The following ROBO2 variants were observed in gnomAD, a reference collection of about 807,000 sequenced individuals.
ROBO2 encodes roundabout guidance receptor 2.
In ROBO2, 53 loss-of-function variants were observed where a neutral mutation model predicts 160.8. The observed-to-expected ratio is 0.33, with a 90% CI of 0.26 to 0.41. The LOEUF is 0.41. ROBO2 is among the 10% of genes least tolerant of loss of function. The pLI, the probability that ROBO2 is intolerant of heterozygous loss-of-function variation, is 1.00. For missense variants in ROBO2, 1,577 were observed against 1,722.4 expected, an observed-to-expected ratio of 0.92 and a Z score of 1.49; for synonymous variants, 664 against 611.7, an observed-to-expected ratio of 1.09 and a Z score of -1.26.
intron 2 of ROBO2, among the ~76,000 whole-genome samples, chr3:77,117,857 T>G (rs185415135): frequency 2.1e-3 from 327 of 152,312 alleles, no homozygotes; most frequent in Non-Finnish European, 3.1e-3. Context: ...ATAAAAATAT[T>G]TTTGAAGCTA....
intron 2 of ROBO2, among the ~76,000 whole-genome samples, chr3:76,029,953 A>G (rs951434831): frequency 2.6e-5 from 4 of 152,152 alleles, no homozygotes; most frequent in African/African-American, 9.7e-5. Context: ...TGTCTTCCAC[A>G]ATGGTTGAAC....
At chr3:77,440,743 G>T (rs2153553205) in intron 2 of ROBO2, among the ~76,000 whole-genome samples, 1 of 152,284 alleles carries the variant, frequency 6.6e-6, no homozygotes, top group African/African-American at 2.4e-5. Context: ...GGGAAAGAAG[G>T]AAAGTCTCAG....
chr3:76,887,945 T>A (rs2074036009), intron 2 of ROBO2, among the ~76,000 whole-genome samples: 1 of 152,208 alleles, frequency 6.6e-6, no homozygotes, highest in South Asian at 2.1e-4. Flanking sequence ...ATTCTGCAAC[T>A]GTAGATTTTT....
chr3:76,829,484 A>T (rs112418543), intron 2 of ROBO2, among the ~76,000 whole-genome samples: 1 of 152,020 alleles, frequency 6.6e-6, no homozygotes, highest in Non-Finnish European at 1.5e-5. Flanking sequence ...ATAATAAAAA[A>T]AAAGAAAGAA....
At chr3:77,061,024 C>A (rs1333660973) in intron 1 of ROBO2, among the ~76,000 whole-genome samples, 2 of 152,032 alleles carry the variant, frequency 1.3e-5, no homozygotes, top group African/African-American at 4.8e-5. Context: ...CTGCCTCGAA[C>A]TCCTGGGTTC....
At chr3:77,378,656 T>C (rs533053189) in intron 2 of ROBO2, among the ~76,000 whole-genome samples, 2 of 152,302 alleles carry the variant, frequency 1.3e-5, no homozygotes, top group East Asian at 3.9e-4. Flanking sequence ...AATATATGTA[T>C]TGATATATAA....
intron 2 of ROBO2, among the ~76,000 whole-genome samples, chr3:76,920,041 G>C (rs1162622411): frequency 6.6e-6 from 1 of 152,106 alleles, no homozygotes; most frequent in South Asian, 2.1e-4. Context: ...TAAAAATATA[G>C]AGTCCCTTGT....
At chr3:76,033,783 T>C (rs1180456645) in intron 2 of ROBO2, among the ~76,000 whole-genome samples, 1 of 152,130 alleles carries the variant, frequency 6.6e-6, no homozygotes, top group African/African-American at 2.4e-5. Flanking sequence ...ACGTGTGGCA[T>C]GGGTACTTGC....
intron 2 of ROBO2, among the ~76,000 whole-genome samples, chr3:76,961,329 A>C (rs535269917): frequency 1.3e-5 from 2 of 151,840 alleles, no homozygotes; most frequent in East Asian, 1.9e-4. Flanking sequence ...TCCAATATAT[A>C]ATAGGTAAAA....
intron 2 of ROBO2, among the ~76,000 whole-genome samples, chr3:76,913,255 T>C (rs1187703160): frequency 6.6e-6 from 1 of 152,148 alleles, no homozygotes; most frequent in Non-Finnish European, 1.5e-5. Context: ...GGGAGAGGTC[T>C]TTAGGAGGCG....
At chr3:77,037,928 G>A (rs1238229942), upstream of ROBO2, among the ~76,000 whole-genome samples, 2 of 152,072 alleles carry the variant, frequency 1.3e-5, no homozygotes, top group Admixed American at 6.5e-5. Context: ...TTTCACCCGC[G>A]TAAGGAAATT....
chr3:77,512,021 A>C (rs943955889), intron 5 of ROBO2, among the ~76,000 whole-genome samples: 2 of 151,972 alleles, frequency 1.3e-5, no homozygotes, highest in African/African-American at 4.8e-5. Flanking sequence ...CAAACTGTGA[A>C]CATTAGCCTG....
intron 2 of ROBO2, among the ~76,000 whole-genome samples, chr3:76,030,675 G>A (rs2066890427): frequency 6.6e-6 from 1 of 152,186 alleles, no homozygotes; most frequent in African/African-American, 2.4e-5. Flanking sequence ...TCAGATGGTT[G>A]TAGATGTGTG....
intron 2 of ROBO2, among the ~76,000 whole-genome samples, chr3:76,691,577 C>T (rs931110533): frequency 1.9e-4 from 29 of 152,076 alleles, no homozygotes; most frequent in Non-Finnish European, 1.6e-4. Context: ...AAAGAGGCTT[C>T]GATGAGAGAA....
chr3:76,260,575 G>T (rs1706680433), intron 2 of ROBO2, among the ~76,000 whole-genome samples: 1 of 151,998 alleles, frequency 6.6e-6, no homozygotes, highest in Non-Finnish European at 1.5e-5. Flanking sequence ...GTGAGGGTAT[G>T]AATCCAAATA....
chr3:75,921,565 A>G (rs1947055139), intron 1 of ROBO2, among the ~76,000 whole-genome samples: 1 of 152,110 alleles, frequency 6.6e-6, no homozygotes, highest in Non-Finnish European at 1.5e-5. Context: ...AATCAGAATC[A>G]GGTCAGAATC....
rs2068525244 is a variant in ROBO2, at chr3:76,843,829, T to A, written c.110-254185T>A. 2.0e-5 allele frequency among the ~76,000 whole-genome samples: 3 copies of A among 152,050 alleles called. No homozygotes were observed. In the South Asian group the frequency reaches 6.2e-4, roughly 31 times the overall value. On this transcript the variant is annotated intron_variant, in intron 2 of 26. Coordinates refer to the ROBO2 transcript ENST00000487694. ...AAACGACCAGGTACAAAAGTTATGA[T>A]TTTGCTGGACACAACTCTCATGTCT...
At chr3:75,952,713 A>T (rs921040394) in intron 2 of ROBO2, among the ~76,000 whole-genome samples, 2 of 151,976 alleles carry the variant, frequency 1.3e-5, no homozygotes, top group African/African-American at 4.8e-5. Context: ...CAAATGTGTA[A>T]TGACAAATAA....
chr3:76,021,776 A>G (rs529254590), intron 2 of ROBO2, among the ~76,000 whole-genome samples: 23 of 151,822 alleles, frequency 1.5e-4, no homozygotes, highest in Non-Finnish European at 2.9e-4. Flanking sequence ...TTCACAGGTA[A>G]AGGGTTTGGT....
Sources: allele counts gnomAD v4.1 joint callset (sites outside exome capture counted in the v4.1 genomes callset), GRCh38; gene constraint gnomAD v4.1.1; transcripts MANE v1.5; gene names NCBI Gene and HGNC (gene_info 2026-07-23, HGNC 2026-07-21).